The following AK5 variants were observed in gnomAD, a reference collection of about 807,000 sequenced individuals.
AK5 encodes adenylate kinase isoenzyme 5.
Under a neutral mutation model 69.5 loss-of-function variants are expected in AK5, and 27 were observed. The ratio of observed to expected loss-of-function variants is 0.39; its 90% CI spans 0.29 to 0.54. AK5 has a LOEUF of 0.54. AK5 is among the 20% of genes least tolerant of loss of function. The probability of loss-of-function intolerance (pLI) is 0.71; values close to 1 mark genes in which losing one functional copy is unlikely to be tolerated. For synonymous variants in AK5, 260 were observed against 244.4 expected (o/e 1.06, Z -0.60); for missense variants, 531 against 700.4 (o/e 0.76, Z 2.73).
intron 6 of AK5, among the ~76,000 whole-genome samples, chr1:77,352,601 G>A (rs1290782839): frequency 6.6e-6 from 1 of 152,180 alleles, no homozygotes; most frequent in African/African-American, 2.4e-5. Context: ...TGTTTGAGAA[G>A]CAATGATACC....
intron 6 of AK5, among the ~76,000 whole-genome samples, chr1:77,403,568 G>T (rs1363076846): frequency 2.6e-5 from 4 of 152,170 alleles, no homozygotes; most frequent in Non-Finnish European, 5.9e-5. Context: ...TTTCCCCATT[G>T]CTTGTTTTTC....
chr1:77,536,844 G>A (rs1249432234), intron 13 of AK5, among the ~76,000 whole-genome samples: 1 of 152,190 alleles, frequency 6.6e-6, no homozygotes, highest in Non-Finnish European at 1.5e-5. Context: ...ATGGGGCCAG[G>A]AGAGCAGGTA....
Position 77,282,258 on chromosome 1 carries a change from G to T in AK5, c.-56G>T, listed in dbSNP as rs1238973388. The T allele has an allele frequency of 4.0e-6, 6 of 1,512,942 alleles. No individual in the cohort carries two copies. In the South Asian group the frequency reaches 6.3e-5, roughly 16 times the overall value. The allele number at this position is 1,512,942 out of a possible 1,614,324, so 93.7% of individuals were successfully genotyped here. ...AGCCCCAGCTTCAGCCCCGGCTCAG[G>T]TCGCCGCAGCCCGGGAGCCTCCCCG... is the stretch of plus-strand genomic sequence containing the variant. On this transcript the variant is annotated 5_prime_UTR_variant, in exon 1 of 14. Transcript: ENST00000354567.
At chr1:77,490,555 G>A (rs1349482959) in intron 10 of AK5, among the ~76,000 whole-genome samples, 1 of 152,184 alleles carries the variant, frequency 6.6e-6, no homozygotes. Context: ...TTCCCACAGG[G>A]TAGGACCAGA....
intron 7 of AK5, among the ~76,000 whole-genome samples, chr1:77,415,256 C>T (rs1199207348): frequency 2.6e-5 from 4 of 152,092 alleles, no homozygotes; most frequent in East Asian, 3.9e-4. Context: ...GTGTAATATC[C>T]GTTAACTGAG....
At chr1:77,525,978 G>A (rs1658257588) in intron 12 of AK5, among the ~76,000 whole-genome samples, 2 of 150,826 alleles carry the variant, frequency 1.3e-5, no homozygotes, top group South Asian at 4.2e-4. Flanking sequence ...TCTATTCCTG[G>A]AAAAAAAAAT....
chr1:77,355,415 A>G (rs1370720177), intron 6 of AK5, among the ~76,000 whole-genome samples: 1 of 152,224 alleles, frequency 6.6e-6, no homozygotes, highest in African/African-American at 2.4e-5. Context: ...TTAAAATTGT[A>G]AGAGAAGAGA....
intron 5 of AK5, among the ~76,000 whole-genome samples, chr1:77,325,340 T>G (rs2602951): frequency 0.15 from 23,260 of 152,004 alleles, 2,249 homozygotes; most frequent in Non-Finnish European, 0.21. Context: ...CTATTATATT[T>G]CTGGTAGTAG....
chr1:77,408,011 T>G (rs1649774927), intron 6 of AK5, among the ~76,000 whole-genome samples: 1 of 152,204 alleles, frequency 6.6e-6, no homozygotes, highest in South Asian at 2.1e-4. Context: ...ATGTACCACA[T>G]TTTCTTTATC....
chr1:77,477,989 G>T (rs1292152233), intron 8 of AK5, among the ~76,000 whole-genome samples: 2 of 152,126 alleles, frequency 1.3e-5, no homozygotes, highest in African/African-American at 4.8e-5. Context: ...AAGGACGGTG[G>T]GCATATCTGA....
intron 6 of AK5, among the ~76,000 whole-genome samples, chr1:77,346,973 T>C (rs925088610): frequency 1.3e-5 from 2 of 152,214 alleles, no homozygotes; most frequent in African/African-American, 4.8e-5. Flanking sequence ...TTGTAATGTG[T>C]TACATAATGA....
At chr1:77,477,641 A>T (rs1655027885) in intron 8 of AK5, among the ~76,000 whole-genome samples, 1 of 152,106 alleles carries the variant, frequency 6.6e-6, no homozygotes, top group South Asian at 2.1e-4. Flanking sequence ...TCACTTTTAA[A>T]TCCTTTTTTC....
intron 7 of AK5, among the ~76,000 whole-genome samples, chr1:77,411,832 G>C (rs1365754298): frequency 6.6e-6 from 1 of 152,190 alleles, no homozygotes; most frequent in Non-Finnish European, 1.5e-5. Flanking sequence ...CCTAAGAGTA[G>C]CTTCAAAGAA....
At chr1:77,358,392 A>G (rs1321533393) in intron 6 of AK5, among the ~76,000 whole-genome samples, 1 of 152,056 alleles carries the variant, frequency 6.6e-6, no homozygotes, top group Non-Finnish European at 1.5e-5. Context: ...ACACGTGAGA[A>G]CCCTTTGTAA....
chr1:77,500,406 T>C (rs1018411064), intron 10 of AK5, among the ~76,000 whole-genome samples: 6 of 149,188 alleles, frequency 4.0e-5, no homozygotes, highest in African/African-American at 1.5e-4. Context: ...GTTATATTGA[T>C]GATACAGGTC....
intron 10 of AK5, among the ~76,000 whole-genome samples, chr1:77,514,924 C>G (rs973576306): frequency 2.0e-5 from 3 of 152,210 alleles, no homozygotes; most frequent in Non-Finnish European, 4.4e-5. Flanking sequence ...AATCCAGCCA[C>G]AGAAGCCCTG....
intron 9 of AK5, 141 bp from the exon 10 acceptor site, chr1:77,486,167 G>A (rs2100727986): frequency 1.7e-6 from 1 of 593,628 alleles, no homozygotes. Context: ...CCTACTAATT[G>A]TAGCCTATTC....
rs568072271 is a variant in AK5 at position 77,391,681 on chromosome 1, C to T, written c.892-19300C>T. On this transcript the variant is annotated intron_variant, in intron 6 of 13. Transcript: ENST00000354567. The stretch of plus-strand genomic sequence containing the variant: ...ATAATAATAACCAGCATCTAGAAAA[C>T]ATTTCCCATGTGCAGACACACTGCT... Among the ~76,000 whole-genome samples, 6 of 151,646 alleles carry T rather than the reference C, an allele frequency of 4.0e-5. No individual in the cohort carries two copies. The South Asian group carries it at 1.0e-3, about 26-fold the overall frequency.
chr1:77,446,127 C>A (rs530276698), intron 8 of AK5, among the ~76,000 whole-genome samples: 1 of 152,094 alleles, frequency 6.6e-6, no homozygotes, highest in Non-Finnish European at 1.5e-5. Flanking sequence ...AATAAGAGTC[C>A]AATTTCACTC....
Sources: gnomAD v4.1 joint callset for allele counts (sites outside exome capture counted in the v4.1 genomes callset) on GRCh38, gnomAD v4.1.1 for gene constraint, MANE v1.5 for transcripts, NCBI Gene and HGNC (gene_info 2026-07-23, HGNC 2026-07-21) for gene names.